FHL5: variants seen among roughly 807,000 people sequenced by gnomAD.
The protein encoded by FHL5 is four and a half LIM domains protein 5.
FHL5 carries 33 observed loss-of-function variants against 32.0 expected under a neutral mutation model. The ratio of observed to expected loss-of-function variants is 1.03; its 90% CI spans 0.78 to 1.38. The LOEUF is 1.38. Among genes scored for constraint, FHL5 ranks in the 40% most tolerant of loss-of-function variants. The probability of loss-of-function intolerance (pLI) is 0.00; values close to 1 mark genes in which losing one functional copy is unlikely to be tolerated. For synonymous variants in FHL5, 114 were observed against 113.6 expected (o/e 1.00, Z -0.02); for missense variants, 336 against 343.9 (o/e 0.98, Z 0.18).
chr6:96,564,810 T>C (rs556916134), intron 1 of FHL5, among the ~76,000 whole-genome samples: 1 of 152,334 alleles, frequency 6.6e-6, no homozygotes, highest in African/African-American at 2.4e-5. Flanking sequence ...GTTCTTGTAA[T>C]TATCTTTTTC....
At chr6:96,585,981 G>A (rs1198420881) in intron 1 of FHL5, among the ~76,000 whole-genome samples, 4 of 152,256 alleles carry the variant, frequency 2.6e-5, no homozygotes, top group African/African-American at 7.2e-5. Context: ...CAGTTCCATG[G>A]TAGCTGAGTA....
chr6:96,598,907 A>G (rs558104408), intron 1 of FHL5, among the ~76,000 whole-genome samples: 1 of 152,326 alleles, frequency 6.6e-6, no homozygotes, highest in South Asian at 2.1e-4. Flanking sequence ...ATTAATAAAT[A>G]GATGGTGTGT....
chr6:96,573,575 G>A (rs369199256), intron 1 of FHL5, among the ~76,000 whole-genome samples: 1 of 138,748 alleles, frequency 7.2e-6, no homozygotes, highest in African/African-American at 2.7e-5. Flanking sequence ...AGGCTGGAGT[G>A]CAGTGGCGCA....
At chr6:96,615,547 C>A in intron 5 of FHL5, 62 bp from the exon 6 acceptor site, 1 of 1,380,256 alleles carries the variant, frequency 7.2e-7, no homozygotes, top group Non-Finnish European at 9.9e-7. Context: ...GGAGCATCTG[C>A]TAGAATGCTC....
chr6:96,575,383 T>G (rs764909470), intron 1 of FHL5, among the ~76,000 whole-genome samples: 1 of 152,328 alleles, frequency 6.6e-6, no homozygotes, highest in East Asian at 1.9e-4. Context: ...TTATTGTTAA[T>G]GCGGGAGTAG....
At chr6:96,615,451 T>A (rs1419758546) in intron 5 of FHL5, among the ~76,000 whole-genome samples, 158 bp from the exon 6 acceptor site, 1 of 152,246 alleles carries the variant, frequency 6.6e-6, no homozygotes, top group Non-Finnish European at 1.5e-5. Context: ...TAGTTCCAGA[T>A]GGACACAGGG....
At chr6:96,574,056 G>A (rs980336150) in intron 1 of FHL5, among the ~76,000 whole-genome samples, 1 of 151,590 alleles carries the variant, frequency 6.6e-6, no homozygotes, top group East Asian at 1.9e-4. Flanking sequence ...TTATATAATT[G>A]AGGTCATACT....
Position 96,594,248 on chromosome 6 carries a change from TATATATATATATATATATATATA to T in FHL5, c.-12-9353_-12-9331del, listed in dbSNP as rs1562059627. On this transcript the variant is annotated intron_variant, in intron 1 of 5. Coordinates refer to ENST00000450218, the MANE Select transcript of FHL5 (RefSeq NM_001322466.2). ...GAATTTATATATATATATATATATATATATATATATATATATATATATATATGTATGTATGTATTTACTTCTTG... is the reference window on the plus strand; with the variant it reads ...GAATTTATATATATATATATATATATTATGTATGTATGTATTTACTTCTTG... Among the ~76,000 whole-genome samples, 341 of 113,508 alleles carry T rather than the reference TATATATATATATATATATATATA, an allele frequency of 3.0e-3. 4 individuals are homozygous for T. The highest frequency in any genetic ancestry group is 9.7e-3 in the African/African-American group (324 of 33,500). 74.5% of individuals were successfully genotyped at this position (113,508 alleles called of 152,430 possible).
At chr6:96,594,278 T>C (rs1468652612) in intron 1 of FHL5, among the ~76,000 whole-genome samples, 4 of 141,256 alleles carry the variant, frequency 2.8e-5, no homozygotes, top group Non-Finnish European at 6.2e-5. Context: ...TATATATGTA[T>C]GTATGTATTT....
At chr6:96,580,893 G>T (rs1383682853) in intron 1 of FHL5, among the ~76,000 whole-genome samples, 1 of 152,184 alleles carries the variant, frequency 6.6e-6, no homozygotes, top group South Asian at 2.1e-4. Context: ...CTATCATTTT[G>T]TATTGGCCAC....
At chr6:96,582,208 T>C (rs1477953474) in intron 1 of FHL5, among the ~76,000 whole-genome samples, 1 of 152,136 alleles carries the variant, frequency 6.6e-6, no homozygotes, top group Non-Finnish European at 1.5e-5. Flanking sequence ...GCGGTTTCTT[T>C]GGAATTAACA....
intron 1 of FHL5, among the ~76,000 whole-genome samples, chr6:96,592,158 G>A (rs571368616): frequency 7.2e-5 from 11 of 152,092 alleles, no homozygotes; most frequent in Non-Finnish European, 1.2e-4. Flanking sequence ...GAATTTTCTC[G>A]TCCTAATAAG....
At chr6:96,614,349 A>C (rs1357234781) in intron 5 of FHL5, among the ~76,000 whole-genome samples, 2 of 152,218 alleles carry the variant, frequency 1.3e-5, no homozygotes, top group Non-Finnish European at 2.9e-5. Flanking sequence ...GTACATAATT[A>C]ATTTACATTT....
intron 1 of FHL5, among the ~76,000 whole-genome samples, chr6:96,600,174 C>T (rs1440666414): frequency 6.6e-6 from 1 of 152,198 alleles, no homozygotes; most frequent in Non-Finnish European, 1.5e-5. Context: ...TACCTTCTGC[C>T]TGCTCCATCC....
At chr6:96,594,290 C>A (rs1171465022) in intron 1 of FHL5, among the ~76,000 whole-genome samples, 2 of 95,554 alleles carry the variant, frequency 2.1e-5, no homozygotes, top group African/African-American at 8.7e-5. Flanking sequence ...TATGTATTTA[C>A]TTCTTGAGGT....
intron 5 of FHL5, among the ~76,000 whole-genome samples, chr6:96,612,729 A>C (rs1348761489): frequency 6.6e-6 from 1 of 152,196 alleles, no homozygotes; most frequent in Non-Finnish European, 1.5e-5. Context: ...GGAAATGTCT[A>C]ATAACTATCT....
intron 1 of FHL5, among the ~76,000 whole-genome samples, chr6:96,577,722 C>A (rs186926375): frequency 1.5e-3 from 233 of 152,234 alleles, no homozygotes; most frequent in African/African-American, 5.2e-3. Flanking sequence ...ACTTGGTCAA[C>A]AATTAAAACT....
At chr6:96,591,491 G>A (rs2127967083) in intron 1 of FHL5, among the ~76,000 whole-genome samples, 1 of 152,148 alleles carries the variant, frequency 6.6e-6, no homozygotes, top group South Asian at 2.1e-4. Flanking sequence ...ATTTTAACGT[G>A]GGTGGATGAT....
At chr6:96,580,233 T>G (rs980234797) in intron 1 of FHL5, among the ~76,000 whole-genome samples, 1 of 152,206 alleles carries the variant, frequency 6.6e-6, no homozygotes, top group Non-Finnish European at 1.5e-5. Context: ...CACTTTCAAT[T>G]AAGTAGAAAT....
Sources: allele counts gnomAD v4.1 joint callset (sites outside exome capture counted in the v4.1 genomes callset), GRCh38; gene constraint gnomAD v4.1.1; transcripts MANE v1.5; gene names NCBI Gene and HGNC (gene_info 2026-07-23, HGNC 2026-07-21).